Variants in TPRG1 observed in about 807,000 individuals in gnomAD.
The protein encoded by TPRG1 is tumor protein p63-regulated gene 1 protein.
Under a neutral mutation model 29.3 loss-of-function variants are expected in TPRG1, and 29 were observed. The ratio of observed to expected loss-of-function variants is 0.99; its 90% CI spans 0.74 to 1.35. The LOEUF is 1.35. Ranked by LOEUF, TPRG1 falls within the 40% of genes most tolerant of loss-of-function variation. The probability of loss-of-function intolerance (pLI) is 0.00; values close to 1 mark genes in which losing one functional copy is unlikely to be tolerated. For missense variants in TPRG1, 327 were observed against 335.0 expected, an observed-to-expected ratio of 0.98 and a Z score of 0.19; for synonymous variants, 130 against 116.8, an observed-to-expected ratio of 1.11 and a Z score of -0.73.
intron 4 of TPRG1, among the ~76,000 whole-genome samples, chr3:189,150,371 C>T (rs1290203718): frequency 6.6e-6 from 1 of 152,040 alleles, no homozygotes; most frequent in African/African-American, 2.4e-5. Context: ...TTAGTAGAGG[C>T]GGGGTTTTAC....
chr3:189,258,256 G>A (rs1268180526), intron 4 of TPRG1, among the ~76,000 whole-genome samples: 1 of 151,436 alleles, frequency 6.6e-6, no homozygotes, highest in Admixed American at 6.6e-5. Flanking sequence ...TCTAAGTCAG[G>A]CCCCTCTTCT....
At chr3:189,180,599 C>A (rs192188173) in intron 1 of TPRG1, among the ~76,000 whole-genome samples, 5 of 152,322 alleles carry the variant, frequency 3.3e-5, no homozygotes, top group Admixed American at 1.3e-4. Flanking sequence ...ATCCAGGTCA[C>A]ACTGATGCAA....
intron 4 of TPRG1, among the ~76,000 whole-genome samples, chr3:189,083,152 C>T (rs1005900601): frequency 2.0e-5 from 3 of 152,156 alleles, no homozygotes; most frequent in African/African-American, 7.2e-5. Context: ...TTGGCACAAG[C>T]ATAACCGCTG....
At chr3:189,143,980 A>G (rs1724917304) in intron 3 of TPRG1, among the ~76,000 whole-genome samples, 1 of 152,126 alleles carries the variant, frequency 6.6e-6, no homozygotes, top group African/African-American at 2.4e-5. Context: ...CTCTCTGTGT[A>G]GCTTCCTACT....
intron 4 of TPRG1, among the ~76,000 whole-genome samples, chr3:189,048,733 C>G (rs1715121433): frequency 6.6e-6 from 1 of 152,162 alleles, no homozygotes; most frequent in South Asian, 2.1e-4. Context: ...AAGAACAAAC[C>G]AGCAATCTCA....
intron 4 of TPRG1, among the ~76,000 whole-genome samples, chr3:189,249,019 A>ATC (rs1741762730): frequency 6.6e-6 from 1 of 151,446 alleles, no homozygotes; most frequent in Non-Finnish European, 1.5e-5. Flanking sequence ...AGATTAGTAT[A>ATC]TCATATATAT....
intron 3 of TPRG1, among the ~76,000 whole-genome samples, chr3:189,237,432 G>A (rs897606216): frequency 6.6e-6 from 1 of 152,110 alleles, no homozygotes; most frequent in African/African-American, 2.4e-5. Flanking sequence ...CCATTGCTAA[G>A]CATTTTATAC....
At chr3:189,306,477 A>G (rs1233922289) in intron 4 of TPRG1, among the ~76,000 whole-genome samples, 2 of 152,150 alleles carry the variant, frequency 1.3e-5, no homozygotes, top group African/African-American at 2.4e-5. Context: ...AAACATCCCA[A>G]TACTTCCTCT....
intron 3 of TPRG1, among the ~76,000 whole-genome samples, chr3:189,005,100 G>T (rs993896234): frequency 1.3e-5 from 2 of 152,132 alleles, no homozygotes; most frequent in Admixed American, 1.3e-4. Context: ...ATTACCAGAG[G>T]CTGGGAAGGG....
intron 3 of TPRG1, among the ~76,000 whole-genome samples, chr3:189,143,880 T>C (rs1482101201): frequency 6.6e-6 from 1 of 152,158 alleles, no homozygotes; most frequent in African/African-American, 2.4e-5. Context: ...ACTGGGGGCT[T>C]GAAGCTTGGG....
chr3:189,115,538 G>T (rs1188608551), intron 1 of TPRG1, among the ~76,000 whole-genome samples: 1 of 152,204 alleles, frequency 6.6e-6, no homozygotes, highest in Admixed American at 6.5e-5. Context: ...TTGTGGAGTT[G>T]TGCTTTATAA....
intron 1 of TPRG1, among the ~76,000 whole-genome samples, chr3:189,188,206 AATTC>A (rs1731205393): frequency 6.6e-6 from 1 of 152,214 alleles, no homozygotes; most frequent in African/African-American, 2.4e-5. Flanking sequence ...GACATCAGAA[AATTC>A]ATTCGAGAGT....
At chr3:189,307,310 C>A (rs1016201048) in intron 4 of TPRG1, among the ~76,000 whole-genome samples, 1 of 152,216 alleles carries the variant, frequency 6.6e-6, no homozygotes, top group Non-Finnish European at 1.5e-5. Flanking sequence ...AGGCGTGAGT[C>A]ACCGCACCTG....
At chr3:189,169,815 T>C (rs929064832), upstream of TPRG1, among the ~76,000 whole-genome samples, 1 of 152,162 alleles carries the variant, frequency 6.6e-6, no homozygotes, top group African/African-American at 2.4e-5. Context: ...AATCAAGGCT[T>C]GGGGAAAACT....
At chr3:189,070,131 T>A (rs1183237678) in intron 4 of TPRG1, among the ~76,000 whole-genome samples, 5 of 152,172 alleles carry the variant, frequency 3.3e-5, no homozygotes, top group African/African-American at 1.2e-4. Context: ...CTTGGAAGAA[T>A]GTCCAGTGAA....
At chr3:189,259,141 G>A (rs1403921214) in intron 4 of TPRG1, among the ~76,000 whole-genome samples, 1 of 152,176 alleles carries the variant, frequency 6.6e-6, no homozygotes, top group African/African-American at 2.4e-5. Flanking sequence ...GCACCTGAGA[G>A]AATCTCCTGG....
chr3:189,005,643 A>G (rs1712247847), intron 3 of TPRG1, among the ~76,000 whole-genome samples: 1 of 152,130 alleles, frequency 6.6e-6, no homozygotes, highest in East Asian at 1.9e-4. Context: ...AGTGAACAAA[A>G]GTGTTTCTGG....
At chr3:189,007,396 A>G (rs960955237) in intron 3 of TPRG1, among the ~76,000 whole-genome samples, 135 of 152,170 alleles carry the variant, frequency 8.9e-4, no homozygotes, top group African/African-American at 3.1e-3. Context: ...GTCAGGAAAC[A>G]ACAGGTGCTG....
chr3:189,220,746 A>G (rs1323252962), intron 3 of TPRG1, among the ~76,000 whole-genome samples: 1 of 152,142 alleles, frequency 6.6e-6, no homozygotes, highest in Non-Finnish European at 1.5e-5. Flanking sequence ...ATCCAACTCC[A>G]TCCATGTCCC....
Sources: gnomAD v4.1 joint callset for allele counts (sites outside exome capture counted in the v4.1 genomes callset) on GRCh38, gnomAD v4.1.1 for gene constraint, MANE v1.5 for transcripts, NCBI Gene and HGNC (gene_info 2026-07-23, HGNC 2026-07-21) for gene names.